The following SLC9B1 variants were observed in gnomAD, a reference collection of about 807,000 sequenced individuals.
SLC9B1 encodes the protein solute carrier family 9 member B1.
A neutral mutation model predicts 51.7 loss-of-function variants in SLC9B1; 32 were observed. The ratio of observed to expected loss-of-function variants is 0.62; its 90% CI spans 0.47 to 0.83. The LOEUF is 0.83. SLC9B1 is among the 40% of genes least tolerant of loss of function. The pLI, the probability that SLC9B1 is intolerant of heterozygous loss-of-function variation, is 0.00. For missense variants in SLC9B1, 406 were observed against 613.2 expected (o/e 0.66, Z 3.57); for synonymous variants, 145 against 212.7 (o/e 0.68, Z 2.77).
chr4:103,014,862 A>G (rs561552643), intron 1 of SLC9B1: 1 of 152,336 alleles, frequency 6.6e-6, no homozygotes, highest in South Asian at 2.1e-4. Context: ...TAATTCTGCC[A>G]CTTACTAGGT....
At chr4:102,915,303 CAT>C (rs1202152370) in intron 7 of SLC9B1, among the ~76,000 whole-genome samples, 2 of 152,188 alleles carry the variant, frequency 1.3e-5, no homozygotes, top group Non-Finnish European at 2.9e-5. Context: ...GCATACAAAA[CAT>C]AAACTTCTTT....
At chr4:103,006,163 G>C (rs1191067522) in intron 1 of SLC9B1, among the ~76,000 whole-genome samples, 1 of 151,826 alleles carries the variant, frequency 6.6e-6, no homozygotes, top group East Asian at 1.9e-4. Context: ...CCAGGAGTTG[G>C]TTTTTTGAAA....
chr4:102,989,478 CT>C (rs1250516417), intron 3 of SLC9B1, among the ~76,000 whole-genome samples: 1 of 151,934 alleles, frequency 6.6e-6, no homozygotes, highest in African/African-American at 2.4e-5. Context: ...TTATAATGTT[CT>C]TTCTAGCTAA....
intron 1 of SLC9B1, among the ~76,000 whole-genome samples, chr4:103,013,387 C>G (rs1054421254): frequency 6.6e-6 from 1 of 152,158 alleles, no homozygotes. Context: ...CCATCCTTAC[C>G]TCTCTGGTGT....
chr4:102,981,255 A>T (rs1739341778), intron 3 of SLC9B1, among the ~76,000 whole-genome samples: 2 of 152,128 alleles, frequency 1.3e-5, no homozygotes, highest in South Asian at 4.1e-4. Context: ...CTAATGAAAG[A>T]CATTTTGATT....
chr4:102,922,543 C>CA lies in SLC9B1; in HGVS notation c.829+9580dup, dbSNP rs1371322142. 2.0e-5 allele frequency among the ~76,000 whole-genome samples: 3 copies of CA among 151,606 alleles called. 1 individual carries two copies. The highest frequency in any genetic ancestry group is 4.4e-5 in the Non-Finnish European group (3 of 67,824). On this transcript the variant is annotated intron_variant, in intron 7 of 11. Transcript: ENST00000296422. ...AACACATTCAAAAGCCAGCAGAAGG[C>CA]AAAAAATAAGATCAGAGCAGAGCTG...
At chr4:102,900,609 AC>A (rs1734740392), downstream of SLC9B1, among the ~76,000 whole-genome samples, 3 of 152,310 alleles carry the variant, frequency 2.0e-5, no homozygotes, top group Admixed American at 6.5e-5. Flanking sequence ...TCAGGTAGTC[AC>A]CAAAACCAGA....
chr4:103,007,814 A>G (rs1213267353), intron 1 of SLC9B1, among the ~76,000 whole-genome samples: 2 of 150,100 alleles, frequency 1.3e-5, no homozygotes, highest in Admixed American at 6.6e-5. Context: ...CTGGTCTTGA[A>G]CTCCTGGGCT....
At chr4:102,944,114 G>A (rs1380568008) in intron 6 of SLC9B1, among the ~76,000 whole-genome samples, 2 of 152,094 alleles carry the variant, frequency 1.3e-5, no homozygotes, top group Admixed American at 6.6e-5. Flanking sequence ...TATCCTAAGT[G>A]AATTAACACA....
Position 103,019,631 on chromosome 4 carries a change from G to T in SLC9B1, c.-34C>A. Reference sequence around the variant, plus strand: ...TTCTTTCGCAGCCCTCGCTGGCCCGGGAGCGGCCCAGGAGCCCAGTGACCG... The same window carrying T: ...TTCTTTCGCAGCCCTCGCTGGCCCGTGAGCGGCCCAGGAGCCCAGTGACCG... On this transcript the variant is annotated 5_prime_UTR_variant, in exon 1 of 12. Coordinates refer to ENST00000296422, the MANE Select transcript of SLC9B1 (RefSeq NM_139173.4). 1 of 985,474 alleles carries T rather than the reference G, an allele frequency of 1.0e-6. No individual in the cohort carries two copies. The highest frequency in any genetic ancestry group is 1.2e-6 in the Non-Finnish European group (1 of 829,976). The allele number at this position is 985,474 out of a possible 1,614,324, so 61.0% of individuals were successfully genotyped here. A position where few individuals can be genotyped will look rare whatever the true frequency, so the allele number is the denominator to read the frequency against.
At chr4:102,980,970 G>T (rs182295838) in intron 3 of SLC9B1, among the ~76,000 whole-genome samples, 63 of 152,076 alleles carry the variant, frequency 4.1e-4, no homozygotes, top group Non-Finnish European at 6.3e-4. Context: ...TAGTTTCACT[G>T]CCCTAAAAAT....
chr4:102,989,789 G>C lies in SLC9B1; in HGVS notation c.211+11C>G. 1 of 1,530,766 alleles carries C rather than the reference G, an allele frequency of 6.5e-7. No homozygotes were observed. Among genetic ancestry groups the C allele is most frequent in the South Asian group, 1.2e-5 (1 of 82,126 alleles). The allele number at this position is 1,530,766 out of a possible 1,614,324, so 94.8% of individuals were successfully genotyped here. ...CATCTTCTCTTCATTTACATTTTTT[G>C]TTTCACATACCATTTGTAATAATTA... On this transcript the variant is annotated intron_variant, in intron 3 of 11. Transcript: ENST00000296422.
At position 103,013,386 on chromosome 4, in the gene SLC9B1, C is replaced by T. The variant is rs112868659; in HGVS notation, c.-2+6213G>A. The stretch of plus-strand genomic sequence containing the variant: ...TTTGTTATTTGCTCTACCATCCTTA[C>T]CTCTCTGGTGTCCTTTCTTTGTCTT... On this transcript the variant is annotated intron_variant, in intron 1 of 11. Coordinates refer to ENST00000296422, the MANE Select transcript of SLC9B1 (RefSeq NM_139173.4). 7.9e-3 allele frequency among the ~76,000 whole-genome samples: 1,203 copies of T among 152,250 alleles called. 9 individuals are homozygous for T. The highest frequency in any genetic ancestry group is 0.027 in the African/African-American group (1,101 of 41,546).
chr4:102,995,704 A>T (rs1248350150), intron 1 of SLC9B1, among the ~76,000 whole-genome samples: 1 of 152,202 alleles, frequency 6.6e-6, no homozygotes, highest in Non-Finnish European at 1.5e-5. Context: ...AAGGACTTTG[A>T]GTTGAGAAAG....
At chr4:102,943,194 G>T (rs1578367177) in intron 6 of SLC9B1, among the ~76,000 whole-genome samples, 1 of 151,932 alleles carries the variant, frequency 6.6e-6, no homozygotes, top group Middle Eastern at 3.4e-3. Context: ...GTTGCCATGG[G>T]TGTAGTAAAA....
At chr4:102,942,238 T>A (rs1413924494) in intron 6 of SLC9B1, among the ~76,000 whole-genome samples, 3 of 152,138 alleles carry the variant, frequency 2.0e-5, no homozygotes, top group African/African-American at 7.2e-5. Flanking sequence ...CATCACACGC[T>A]CATGGATAGG....
intron 11 of SLC9B1, among the ~76,000 whole-genome samples, chr4:102,886,793 T>C (rs1733947286): frequency 6.6e-6 from 1 of 152,078 alleles, no homozygotes; most frequent in Non-Finnish European, 1.5e-5. Flanking sequence ...TTTGTATTTT[T>C]AGTTAGAGAT....
chr4:102,915,009 A>G (rs562274998), intron 7 of SLC9B1, among the ~76,000 whole-genome samples: 47 of 152,338 alleles, frequency 3.1e-4, no homozygotes, highest in African/African-American at 1.1e-3. Context: ...AACTTTTCAC[A>G]TACAAGGGAG....
At chr4:102,926,110 G>A (rs143148372) in intron 7 of SLC9B1, among the ~76,000 whole-genome samples, 26,525 of 150,816 alleles carry the variant, frequency 0.18, 17 homozygotes, top group East Asian at 0.19. Context: ...AATAATAAGA[G>A]CTATTTATGA....
Sources: allele counts gnomAD v4.1 joint callset (sites outside exome capture counted in the v4.1 genomes callset), GRCh38; gene constraint gnomAD v4.1.1; transcripts MANE v1.5; gene names NCBI Gene and HGNC (gene_info 2026-07-23, HGNC 2026-07-21).